The following PLEKHG7 variants were observed in gnomAD, a reference collection of about 807,000 sequenced individuals.
The protein encoded by PLEKHG7 is pleckstrin homology and RhoGEF domain containing G7.
In PLEKHG7, 77 loss-of-function variants were observed where a neutral mutation model predicts 85.2. The ratio of observed to expected loss-of-function variants is 0.90; its 90% CI spans 0.75 to 1.09. The LOEUF (loss-of-function observed/expected upper bound fraction) is 1.09. Ranked by LOEUF, PLEKHG7 falls within the 50% of genes least tolerant of loss-of-function variation. The pLI, the probability that PLEKHG7 is intolerant of heterozygous loss-of-function variation, is 0.00. For synonymous variants in PLEKHG7, 301 were observed against 302.4 expected (o/e 1.00, Z 0.05); for missense variants, 777 against 804.3 (o/e 0.97, Z 0.41).
At chr12:92,705,241 T>C (rs1871199678) in intron 1 of PLEKHG7, among the ~76,000 whole-genome samples, 1 of 152,244 alleles carries the variant, frequency 6.6e-6, no homozygotes, top group Admixed American at 6.5e-5. Flanking sequence ...CACAGAACTA[T>C]AGTAAACATA....
At chr12:92,769,219 G>A in intron 16 of PLEKHG7, 139 bp downstream of exon 16, 4 of 618,960 alleles carry the variant, frequency 6.5e-6, no homozygotes, top group East Asian at 2.9e-5. Flanking sequence ...GAGGAGGGGA[G>A]GGGTACATCT....
chr12:92,737,408 C>T lies in PLEKHG7; in HGVS notation c.826C>T (p.His276Tyr), dbSNP rs573946915. ...DKTWDEVLET[H>Y]HKLPTDQLDL... is the part of the protein sequence containing the mutation. Reference sequence around the variant, plus strand: ...GACCTGGGATGAAGTCTTGGAAACACATCACAAACTCCCGACCGATCAATT... The same window carrying T: ...GACCTGGGATGAAGTCTTGGAAACATATCACAAACTCCCGACCGATCAATT... The change falls in exon 7 of 17, where the codon CAT (histidine) becomes TAT (tyrosine). Residue 276 changes from histidine to tyrosine, a missense_variant. Coordinates refer to ENST00000344636, the MANE Select transcript of PLEKHG7 (RefSeq NM_001377329.1). 1.7e-5 allele frequency: 27 copies of T among 1,548,334 alleles called. No individual in the cohort carries two copies. The East Asian group carries it at 5.5e-4, about 32-fold the overall frequency.
intron 14 of PLEKHG7, 51 bp from the exon 15 acceptor site, chr12:92,763,990 G>A: frequency 6.6e-7 from 1 of 1,523,758 alleles, no homozygotes; most frequent in Non-Finnish European, 9.0e-7. Context: ...TTAGATAAGT[G>A]TGCCAATATT....
chr12:92,761,639 A>AAAGAAAGAAAGAAAGAAAG (rs1873018411), intron 13 of PLEKHG7, 113 bp from the exon 14 acceptor site: 1 of 492,358 alleles, frequency 2.0e-6, no homozygotes, highest in Non-Finnish European at 2.9e-6. Flanking sequence ...AGAAAGAAAG[A>AAAGAAAGAAAGAAAGAAAG]AAGAAAGAAA....
intron 13 of PLEKHG7, among the ~76,000 whole-genome samples, chr12:92,758,966 A>T (rs1872911765): frequency 6.6e-6 from 1 of 152,258 alleles, no homozygotes; most frequent in Admixed American, 6.5e-5. Flanking sequence ...TCTAGCACCA[A>T]TTGTAGGCTT....
At chr12:92,757,089 G>A (rs1186016995) in intron 13 of PLEKHG7, among the ~76,000 whole-genome samples, 1 of 152,216 alleles carries the variant, frequency 6.6e-6, no homozygotes, top group Non-Finnish European at 1.5e-5. Flanking sequence ...TTCTAGCAGA[G>A]TACATAGGAA....
chr12:92,761,646 G>GAAAGAAAGAA, intron 13 of PLEKHG7, 106 bp from the exon 14 acceptor site: 1 of 1,044,896 alleles, frequency 9.6e-7, no homozygotes. Flanking sequence ...AAGAAAGAAA[G>GAAAGAAAGAA]AAAGAAAGAA....
In PLEKHG7 at chr12:92,706,933, C is replaced by T; in HGVS notation, c.302C>T (p.Pro101Leu). ...SPKDSSHLLS[P>L]LRLHSRLTSE... ...AAGGATTCTTCACACTTGCTGTCAC[C>T]CTTGAGACTCCACTCAAGATTGACC... The change falls in exon 2 of 17, where the codon CCC (proline) becomes CTC (leucine). Residue 101 changes from proline to leucine, a missense_variant. By Grantham distance (98) the Pro-to-Leu change is moderately conservative (BLOSUM62 -3). Transcript: ENST00000344636. The T allele has an allele frequency of 6.2e-7, 1 of 1,614,122 alleles. No homozygotes were observed. Among genetic ancestry groups the T allele is most frequent in the Non-Finnish European group, 8.5e-7 (1 of 1,180,016 alleles).
intron 3 of PLEKHG7, among the ~76,000 whole-genome samples, chr12:92,727,882 C>T (rs71456572): frequency 0.032 from 4,669 of 147,682 alleles, 115 homozygotes; most frequent in Middle Eastern, 0.083. Flanking sequence ...TGAGCCACTG[C>T]GCCTGGCCAA....
intron 5 of PLEKHG7, among the ~76,000 whole-genome samples, chr12:92,736,219 GA>G (rs1872141722): frequency 6.6e-6 from 1 of 151,836 alleles, no homozygotes; most frequent in East Asian, 1.9e-4. Context: ...CTGTGCCTAG[GA>G]TTTTTTTTTT....
chr12:92,761,636 A>AAG lies in PLEKHG7; in HGVS notation c.1637-114_1637-113dup, dbSNP rs1311203770. ...GAAAGAAAGAAAGAAGAAAGAAAGA[A>AAG]AGAAAGAAAGAAAGAAAGAAAGAAA... On this transcript the variant is annotated intron_variant, in intron 13 of 16. Coordinates refer to ENST00000344636, the MANE Select transcript of PLEKHG7 (RefSeq NM_001377329.1). 4.3e-5 allele frequency: 19 copies of AAG among 440,000 alleles called. No individual in the cohort carries two copies. In the African/African-American group the frequency reaches 8.8e-4, roughly 20 times the overall value. 27.3% of individuals were successfully genotyped at this position (440,000 alleles called of 1,614,324 possible).
At chr12:92,738,184 T>G (rs933492874) in intron 7 of PLEKHG7, among the ~76,000 whole-genome samples, 3 of 152,170 alleles carry the variant, frequency 2.0e-5, no homozygotes, top group African/African-American at 7.2e-5. Context: ...CATGATGTCT[T>G]TCATGTAAAT....
Position 92,770,107 on chromosome 12 carries a change from T to C in PLEKHG7, c.1988T>C (p.Ile663Thr). 1 of 1,603,014 alleles carries C rather than the reference T, an allele frequency of 6.2e-7. No individual in the cohort carries two copies. Among genetic ancestry groups the C allele is most frequent in the Non-Finnish European group, 8.5e-7 (1 of 1,175,906 alleles). The change falls in exon 17 of 17, where the codon ATA (isoleucine) becomes ACA (threonine). Residue 663 changes from isoleucine to threonine, a missense_variant. This residue lies in a region of PLEKHG7 where 520 missense variants were observed against 544.0 expected (regional missense o/e 0.96). Coordinates refer to ENST00000344636, the MANE Select transcript of PLEKHG7 (RefSeq NM_001377329.1). The part of the protein sequence containing the change: ...ENIKKTWMAQ[I>T]TTAISCFTKS... ...CAACAGAAAACATGGATGGCACAAA[T>C]AACAACTGCAATTTCTTGCTTTACC...
intron 4 of PLEKHG7, among the ~76,000 whole-genome samples, chr12:92,731,065 G>A (rs1446926958): frequency 1.3e-5 from 2 of 152,178 alleles, no homozygotes; most frequent in Non-Finnish European, 2.9e-5. Flanking sequence ...ATGAAAGATT[G>A]TGGATTCAAT....
rs1408544352 is a variant in PLEKHG7, at chr12:92,740,721, A to G, written c.940-132A>G. 7.9e-6 allele frequency: 5 copies of G among 630,522 alleles called. No homozygotes were observed. The Admixed American group carries it at 1.4e-4, about 17-fold the overall frequency. 39.1% of individuals were successfully genotyped at this position (630,522 alleles called of 1,614,324 possible). A position where few individuals can be genotyped will look rare whatever the true frequency, so the allele number is the denominator to read the frequency against. On this transcript the variant is annotated intron_variant, in intron 7 of 16. Coordinates refer to ENST00000344636, the MANE Select transcript of PLEKHG7 (RefSeq NM_001377329.1). Reference sequence around the variant, plus strand: ...CATTTGTCTTGAGTATAACATTTAAACCTTGAGAGTGCTGATTTCTCCATT... The same window carrying G: ...CATTTGTCTTGAGTATAACATTTAAGCCTTGAGAGTGCTGATTTCTCCATT...
At chr12:92,716,154 T>C (rs932071005) in intron 3 of PLEKHG7, among the ~76,000 whole-genome samples, 2 of 152,304 alleles carry the variant, frequency 1.3e-5, no homozygotes, top group African/African-American at 4.8e-5. Flanking sequence ...TGGAGTGCAT[T>C]GGTACAATCT....
intron 4 of PLEKHG7, among the ~76,000 whole-genome samples, chr12:92,730,706 C>T (rs1213453130): frequency 1.3e-5 from 2 of 152,236 alleles, no homozygotes; most frequent in African/African-American, 2.4e-5. Context: ...AGGCGCAAGC[C>T]GCTGTGCCCA....
Position 92,729,005 on chromosome 12 carries a change from C to T in PLEKHG7, c.543C>T (p.His181=). Residue 181 remains histidine (H), a synonymous_variant, in exon 4 of 17, where the codon CAC becomes CAT. Coordinates refer to ENST00000344636, the MANE Select transcript of PLEKHG7 (RefSeq NM_001377329.1). ...EELHPSRFYE[H]RRSSVVLNLP... is the part of the protein sequence containing the mutation. The stretch of plus-strand genomic sequence containing the variant: ...CTCTTGAGCACAGGTTCTACGAGCA[C>T]AGGCGGAGTTCTGTGGTGCTGAACT... The T allele has an allele frequency of 4.1e-6, 5 of 1,231,814 alleles. No homozygotes were observed. The highest frequency in any genetic ancestry group is 5.1e-6 in the Non-Finnish European group (5 of 987,766). 76.3% of individuals were successfully genotyped at this position (1,231,814 alleles called of 1,614,324 possible).
Position 92,737,829 on chromosome 12 carries a change from G to A in PLEKHG7, c.939+308G>A, listed in dbSNP as rs534897572. ...TTTTTTCTCCCTCTTTCAGGGGATC[G>A]TGAAAATTTTTATTTGTCATTTATT... is the stretch of plus-strand genomic sequence containing the variant. On this transcript the variant is annotated intron_variant, in intron 7 of 16. Transcript: ENST00000344636. Among the ~76,000 whole-genome samples the A allele has an allele frequency of 9.0e-4, 135 of 150,284 alleles. 1 individual carries two copies. The highest frequency in any genetic ancestry group is 2.2e-3 in the Admixed American group (33 of 14,942).
Sources: gnomAD v4.1 joint callset for allele counts (sites outside exome capture counted in the v4.1 genomes callset) on GRCh38, gnomAD v4.1.1 for gene constraint, gnomAD v4.1.1 regional missense constraint, MANE v1.5 for transcripts, NCBI Gene and HGNC (gene_info 2026-07-23, HGNC 2026-07-21) for gene names.